GRIN3A: variants seen among roughly 807,000 people sequenced by gnomAD.
GRIN3A encodes glutamate ionotropic receptor NMDA type subunit 3A, also known as glutamate receptor ionotropic, NMDA 3A.
GRIN3A carries 47 observed loss-of-function variants against 92.4 expected under a neutral mutation model. The observed-to-expected ratio is 0.51, with a 90% CI of 0.40 to 0.65. The LOEUF (loss-of-function observed/expected upper bound fraction) is 0.65. Ranked by LOEUF, GRIN3A falls within the 30% of genes least tolerant of loss-of-function variation. GRIN3A has a pLI of 0.00. For missense variants in GRIN3A, 1,324 were observed against 1,393.1 expected (o/e 0.95, Z 0.79); for synonymous variants, 527 against 540.6 (o/e 0.97, Z 0.35).
At chr9:101,698,902 T>A (rs575530600) in intron 1 of GRIN3A, among the ~76,000 whole-genome samples, 125 of 152,244 alleles carry the variant, frequency 8.2e-4, no homozygotes, top group African/African-American at 2.9e-3. Context: ...TCTCCCGACC[T>A]CATGATCTGC....
intron 3 of GRIN3A, among the ~76,000 whole-genome samples, chr9:101,648,704 A>T (rs887989003): frequency 2.6e-5 from 4 of 152,068 alleles, no homozygotes; most frequent in African/African-American, 9.7e-5. Flanking sequence ...ATTTATCATT[A>T]TGTAATGACC....
chr9:101,687,155 C>G lies in GRIN3A; in HGVS notation c.745G>C (p.Asp249His). Reference sequence around the variant, plus strand: ...AGGATTGAGACAGTGACATCAGCATCAGAACTTAATGAATTTTCTAAACTC... The same window carrying G: ...AGGATTGAGACAGTGACATCAGCATGAGAACTTAATGAATTTTCTAAACTC... ...QLSLENSLSS[D>H]ADVTVSILTM... The change falls in exon 2 of 9, where the codon GAT becomes CAT. Residue 249 changes from aspartate (D) to histidine (H), a missense_variant. Transcript: ENST00000361820. 1 of 1,613,744 alleles carries G rather than the reference C, an allele frequency of 6.2e-7. No individual in the cohort carries two copies. The highest frequency in any genetic ancestry group is 1.7e-5 in the Admixed American group (1 of 60,018).
chr9:101,679,245 G>T lies in GRIN3A; in HGVS notation c.1304+7351C>A, dbSNP rs187899796. On this transcript the variant is annotated intron_variant, in intron 2 of 8. Transcript: ENST00000361820. ...ACTCTGCATAGTTTCATACTTTTTG[G>T]CAGATTTCCAGATTTTACAGTAGAT... Among the ~76,000 whole-genome samples the T allele has an allele frequency of 5.5e-4, 84 of 152,196 alleles. No homozygotes were observed. The East Asian group carries it at 0.014, about 25-fold the overall frequency.
intron 3 of GRIN3A, among the ~76,000 whole-genome samples, chr9:101,666,301 T>G (rs1261458005): frequency 6.6e-6 from 1 of 152,004 alleles, no homozygotes; most frequent in Non-Finnish European, 1.5e-5. Flanking sequence ...CCAATATCTG[T>G]TGGATTTAAC....
At chr9:101,643,546 T>C (rs1828894374) in intron 3 of GRIN3A, among the ~76,000 whole-genome samples, 1 of 152,094 alleles carries the variant, frequency 6.6e-6, no homozygotes. Context: ...CTTCCACTCC[T>C]GGGTATATAT....
chr9:101,625,073 G>A (rs559969378), intron 4 of GRIN3A, among the ~76,000 whole-genome samples: 2 of 152,120 alleles, frequency 1.3e-5, no homozygotes, highest in African/African-American at 4.8e-5. Context: ...TATCTCCCCA[G>A]TTAAAGTGTA....
chr9:101,733,892 T>A (rs1190079347), intron 1 of GRIN3A, among the ~76,000 whole-genome samples: 1 of 151,858 alleles, frequency 6.6e-6, no homozygotes, highest in Non-Finnish European at 1.5e-5. Flanking sequence ...AGAGTCAGGG[T>A]CTTACTATGT....
chr9:101,722,133 C>A (rs1230321317), intron 1 of GRIN3A, among the ~76,000 whole-genome samples: 1 of 152,216 alleles, frequency 6.6e-6, no homozygotes, highest in Non-Finnish European at 1.5e-5. Flanking sequence ...CCCCGTGTCC[C>A]AGCTGCTCCA....
Position 101,670,985 on chromosome 9 carries a change from G to A in GRIN3A, c.1427C>T (p.Pro476Leu), listed in dbSNP as rs142949964. 9.0e-5 allele frequency: 146 copies of A among 1,613,852 alleles called. No homozygotes were observed. The highest frequency in any genetic ancestry group is 1.2e-4 in the Non-Finnish European group (139 of 1,179,916). Residue 476 changes from proline to leucine, a missense_variant, in exon 3 of 9, where the codon CCA becomes CTA. Pro to Leu is a moderately conservative substitution (Grantham distance 98). Transcript: ENST00000361820. ...CCAGCTGCCCAAGCGGGTCCACATT[G>A]GCTTTCCCATGGGGTCATGTTGAAG... ...WNLQHDPMGK[P>L]MWTRLGSWQG...
intron 5 of GRIN3A, among the ~76,000 whole-genome samples, chr9:101,619,153 G>A (rs35569161): frequency 6.6e-6 from 1 of 152,016 alleles, no homozygotes; most frequent in African/African-American, 2.4e-5. Context: ...TCCGAAATGT[G>A]GTTGGAAAAG....
intron 1 of GRIN3A, among the ~76,000 whole-genome samples, chr9:101,699,986 T>G (rs967776157): frequency 6.6e-6 from 1 of 152,170 alleles, no homozygotes; most frequent in African/African-American, 2.4e-5. Flanking sequence ...TCTTATGCGG[T>G]TAAACATCCC....
At chr9:101,722,940 G>A (rs980186067) in intron 1 of GRIN3A, among the ~76,000 whole-genome samples, 8 of 152,166 alleles carry the variant, frequency 5.3e-5, no homozygotes, top group African/African-American at 1.9e-4. Context: ...GGCATAATTG[G>A]TTTTGAAATG....
chr9:101,736,157 T>C (rs960025126), intron 1 of GRIN3A, among the ~76,000 whole-genome samples: 8 of 152,192 alleles, frequency 5.3e-5, no homozygotes, highest in Non-Finnish European at 8.8e-5. Flanking sequence ...GAAAATGATG[T>C]AGAGTCAGAA....
intron 6 of GRIN3A, chr9:101,593,078 G>A (rs1828054751): frequency 6.6e-6 from 1 of 152,170 alleles, no homozygotes; most frequent in African/African-American, 2.4e-5. Context: ...TCAGGGAGCT[G>A]GTAACATTTG....
intron 6 of GRIN3A, among the ~76,000 whole-genome samples, chr9:101,604,933 C>T (rs981009187): frequency 6.6e-6 from 1 of 152,048 alleles, no homozygotes; most frequent in African/African-American, 2.4e-5. Flanking sequence ...GAGAGAACTC[C>T]ATTTTCTCAA....
At chr9:101,623,516 A>T (rs1828586366) in intron 4 of GRIN3A, 83 bp from the exon 5 acceptor site, 1 of 1,015,436 alleles carries the variant, frequency 9.8e-7, no homozygotes, top group African/African-American at 1.6e-5. Context: ...GCTTTTGTTT[A>T]GGGGACAGAA....
chr9:101,730,436 A>G (rs1830124349), intron 1 of GRIN3A, among the ~76,000 whole-genome samples: 1 of 152,200 alleles, frequency 6.6e-6, no homozygotes, highest in African/African-American at 2.4e-5. Flanking sequence ...TGCTCTAGGT[A>G]CATATGGTGC....
chr9:101,582,305 GCCAGT>G (rs1383874284), intron 6 of GRIN3A, among the ~76,000 whole-genome samples: 1 of 152,142 alleles, frequency 6.6e-6, no homozygotes. Flanking sequence ...TTCCCTCCAT[GCCAGT>G]ACTGCAGGCT....
chr9:101,699,385 A>G (rs1250100728), intron 1 of GRIN3A, among the ~76,000 whole-genome samples: 3 of 152,218 alleles, frequency 2.0e-5, no homozygotes, highest in Non-Finnish European at 4.4e-5. Context: ...CTTAAAAAAA[A>G]TAAGTAGAAG....
Sources: allele counts gnomAD v4.1 joint callset (sites outside exome capture counted in the v4.1 genomes callset), GRCh38; gene constraint gnomAD v4.1.1; transcripts MANE v1.5; gene names NCBI Gene and HGNC (gene_info 2026-07-23, HGNC 2026-07-21).